ARHGEF7: variants seen among roughly 807,000 people sequenced by gnomAD.
The protein encoded by ARHGEF7 is Rho guanine nucleotide exchange factor 7.
ARHGEF7 carries 33 observed loss-of-function variants against 109.8 expected under a neutral mutation model. That is an observed-to-expected ratio of 0.30 (90% CI 0.23 to 0.40). The LOEUF (loss-of-function observed/expected upper bound fraction) is 0.40, where lower values mean the gene tolerates loss of function less well. Among genes scored for constraint, ARHGEF7 ranks in the 10% least tolerant of loss-of-function variants. The probability of loss-of-function intolerance (pLI) is 1.00; values close to 1 mark genes in which losing one functional copy is unlikely to be tolerated. For synonymous variants in ARHGEF7, 458 were observed against 424.6 expected (o/e 1.08, Z -0.97); for missense variants, 938 against 1,098.5 (o/e 0.85, Z 2.07).
intron 8 of ARHGEF7, among the ~76,000 whole-genome samples, chr13:111,253,635 T>A (rs1186041523): frequency 2.0e-5 from 3 of 152,132 alleles, no homozygotes; most frequent in Non-Finnish European, 4.4e-5. Flanking sequence ...CTTGAAATAG[T>A]GAGGGTGCCT....
intron 17 of ARHGEF7, among the ~76,000 whole-genome samples, chr13:111,287,583 C>T (rs1349843653): frequency 2.0e-5 from 3 of 152,224 alleles, no homozygotes; most frequent in Non-Finnish European, 2.9e-5. Context: ...GCTGCAGAGA[C>T]CCAGTGGGGA....
At chr13:111,205,197 GCTGAGCATCGTCGCGTTGCTGGGAGAA>G in intron 2 of ARHGEF7, 65 bp from the exon 3 acceptor site, 1 of 954,188 alleles carries the variant, frequency 1.0e-6, no homozygotes, top group Non-Finnish European at 1.6e-6. Flanking sequence ...AGGATTTCAG[GCTGAGCATCGTCGCGTTGCTGGGAGAA>G]CTTAGTTCAT....
At chr13:111,261,138 A>G (rs1411093152) in intron 8 of ARHGEF7, among the ~76,000 whole-genome samples, 1 of 152,226 alleles carries the variant, frequency 6.6e-6, no homozygotes, top group Non-Finnish European at 1.5e-5. Context: ...ATGGTTATGA[A>G]TAATAACATT....
intron 8 of ARHGEF7, among the ~76,000 whole-genome samples, chr13:111,260,955 C>G (rs2091027447): frequency 6.6e-6 from 1 of 151,864 alleles, no homozygotes; most frequent in Admixed American, 6.6e-5. Context: ...ATTTGGAAGT[C>G]CATGGTAACC....
At chr13:111,225,520 T>G (rs953875832) in intron 5 of ARHGEF7, among the ~76,000 whole-genome samples, 17 of 152,126 alleles carry the variant, frequency 1.1e-4, no homozygotes, top group Middle Eastern at 3.4e-3. Flanking sequence ...TTGTTTTTTT[T>G]TTTTTCTCTT....
In ARHGEF7 at chr13:111,280,522, T is replaced by C. The variant is rs1207361801; in HGVS notation, c.1586-16T>C. 15 of 1,581,150 alleles carry C rather than the reference T, an allele frequency of 9.5e-6. No homozygotes were observed. Among genetic ancestry groups the C allele is most frequent in the Non-Finnish European group, 1.3e-5 (15 of 1,164,410 alleles). ...CTGTGTTTCCACTCGGCCTATTTTT[T>C]CCTTCTCTCCTATAGGGAGCATGAT... On this transcript the variant is annotated splice_polypyrimidine_tract_variant and intron_variant, in intron 14 of 21. Transcript: ENST00000646102.
At chr13:111,178,821 A>G (rs2078428226) in intron 2 of ARHGEF7, among the ~76,000 whole-genome samples, 1 of 152,222 alleles carries the variant, frequency 6.6e-6, no homozygotes, top group African/African-American at 2.4e-5. Context: ...TCTTTAAGAA[A>G]TGTCGGGCCG....
Position 111,153,219 on chromosome 13 carries a change from G to A in ARHGEF7, c.166-686G>A, listed in dbSNP as rs938875058. On this transcript the variant is annotated intron_variant, in intron 1 of 21. Transcript: ENST00000646102. ...AAAAAATCCCAGGTTCTCTCCCAAC[G>A]ATCAGGGGTTACTCAAGCCGCCCGA... Among the ~76,000 whole-genome samples the A allele has an allele frequency of 2.0e-5, 3 of 152,234 alleles. No homozygotes were observed. The South Asian group carries it at 6.2e-4, about 31-fold the overall frequency.
intron 8 of ARHGEF7, among the ~76,000 whole-genome samples, chr13:111,246,100 TTTC>T (rs1187670766): frequency 6.6e-6 from 1 of 152,250 alleles, no homozygotes; most frequent in African/African-American, 2.4e-5. Flanking sequence ...ACTATTTTAT[TTTC>T]TTGGTTTACA....
chr13:111,261,517 T>C (rs2091089499), intron 8 of ARHGEF7, among the ~76,000 whole-genome samples: 1 of 152,190 alleles, frequency 6.6e-6, no homozygotes, highest in Non-Finnish European at 1.5e-5. Flanking sequence ...GCTAGAGATG[T>C]CAACACACCA....
In ARHGEF7 at chr13:111,233,302, T is replaced by C. The variant is rs759060537; in HGVS notation, c.759+9T>C. ...AAAGCTATTACAATGTGGTGAGTAA[T>C]TGCAGAACATTTTTAAACTAACTGG... On this transcript the variant is annotated intron_variant, in intron 6 of 21. Coordinates refer to ENST00000646102, the MANE Select transcript of ARHGEF7 (RefSeq NM_001354046.2). The C allele has an allele frequency of 7.5e-6, 12 of 1,608,674 alleles. No homozygotes were observed. Among genetic ancestry groups the C allele is most frequent in the African/African-American group, 1.3e-5 (1 of 74,806 alleles).
At chr13:111,132,280 A>G (rs2153345453) in intron 1 of ARHGEF7, among the ~76,000 whole-genome samples, 1 of 152,266 alleles carries the variant, frequency 6.6e-6, no homozygotes, top group Admixed American at 6.5e-5. Context: ...TTGAGCCTGA[A>G]CAGTTGTTTG....
intron 2 of ARHGEF7, among the ~76,000 whole-genome samples, chr13:111,180,491 A>G (rs1594369659): frequency 1.3e-5 from 2 of 152,368 alleles, no homozygotes; most frequent in East Asian, 3.9e-4. Context: ...TAAAACATGC[A>G]TGACAACAGC....
intron 1 of ARHGEF7, among the ~76,000 whole-genome samples, chr13:111,117,762 A>G (rs1027968028): frequency 6.7e-6 from 1 of 149,684 alleles, no homozygotes; most frequent in Non-Finnish European, 1.5e-5. Flanking sequence ...GGTTCTTGCT[A>G]TGTTGGCCAG....
At chr13:111,250,346 A>G (rs1442228241) in intron 8 of ARHGEF7, among the ~76,000 whole-genome samples, 1 of 152,198 alleles carries the variant, frequency 6.6e-6, no homozygotes, top group Non-Finnish European at 1.5e-5. Flanking sequence ...CGCTGCCACC[A>G]CGTGCGTGAT....
chr13:111,254,084 G>T (rs1445685770), intron 8 of ARHGEF7, among the ~76,000 whole-genome samples: 5 of 152,190 alleles, frequency 3.3e-5, no homozygotes, highest in Non-Finnish European at 5.9e-5. Flanking sequence ...GTTCATGGGT[G>T]CTATTAGTTT....
At chr13:111,262,944 T>C (rs1019581594) in intron 8 of ARHGEF7, among the ~76,000 whole-genome samples, 3 of 152,260 alleles carry the variant, frequency 2.0e-5, no homozygotes, top group Non-Finnish European at 4.4e-5. Flanking sequence ...TGCACCATCC[T>C]GCTGCCCAAG....
At chr13:111,238,690 T>G (rs2087204648) in intron 6 of ARHGEF7, among the ~76,000 whole-genome samples, 1 of 151,390 alleles carries the variant, frequency 6.6e-6, no homozygotes. Context: ...AAGGAAGGGG[T>G]TGGATGCCTA....
chr13:111,170,404 G>C (rs912732839), intron 2 of ARHGEF7, among the ~76,000 whole-genome samples: 2 of 152,236 alleles, frequency 1.3e-5, no homozygotes, highest in African/African-American at 4.8e-5. Context: ...GGCGCAGTTA[G>C]TCAATCTTCT....
Sources: allele counts gnomAD v4.1 joint callset (sites outside exome capture counted in the v4.1 genomes callset), GRCh38; gene constraint gnomAD v4.1.1; transcripts MANE v1.5; gene names NCBI Gene and HGNC (gene_info 2026-07-23, HGNC 2026-07-21).